The following DNAAF11 variants were observed in gnomAD, a reference collection of about 807,000 sequenced individuals.
DNAAF11 encodes the protein dynein axonemal assembly factor 11, also known as leucine rich repeat containing 6.
DNAAF11 carries 45 observed loss-of-function variants against 60.8 expected under a neutral mutation model. The observed-to-expected ratio is 0.74, with a 90% CI of 0.58 to 0.95. The LOEUF (loss-of-function observed/expected upper bound fraction) is 0.95. Ranked by LOEUF, DNAAF11 falls within the 40% of genes least tolerant of loss-of-function variation. The pLI, the probability that DNAAF11 is intolerant of heterozygous loss-of-function variation, is 0.00. For missense variants in DNAAF11, 546 were observed against 546.2 expected (o/e 1.00, Z 0.00); for synonymous variants, 191 against 183.5 (o/e 1.04, Z -0.33).
intron 10 of DNAAF11, among the ~76,000 whole-genome samples, chr8:132,587,806 C>T (rs914351404): frequency 3.3e-5 from 5 of 152,070 alleles, no homozygotes; most frequent in African/African-American, 1.2e-4. Flanking sequence ...TATTTTAACT[C>T]TCATAGAGCC....
At chr8:132,665,099 GA>G (rs113482412) in intron 1 of DNAAF11, among the ~76,000 whole-genome samples, 3,716 of 152,118 alleles carry the variant, frequency 0.024, 178 homozygotes, top group African/African-American at 0.085. Context: ...TGAAGATGTG[GA>G]AATTTCCCAG....
chr8:132,577,514 C>T (rs776166243), intron 11 of DNAAF11, among the ~76,000 whole-genome samples: 10 of 152,180 alleles, frequency 6.6e-5, no homozygotes, highest in African/African-American at 2.4e-4. Context: ...AATCCCATAA[C>T]CTAACGTAAA....
At chr8:132,585,516 C>A (rs1225576426) in intron 10 of DNAAF11, among the ~76,000 whole-genome samples, 6 of 152,070 alleles carry the variant, frequency 3.9e-5, no homozygotes, top group Non-Finnish European at 8.8e-5. Context: ...AAGTGGACGG[C>A]AAGACTTTTG....
intron 7 of DNAAF11, among the ~76,000 whole-genome samples, chr8:132,615,904 G>C (rs1819101310): frequency 6.6e-6 from 1 of 152,142 alleles, no homozygotes; most frequent in Non-Finnish European, 1.5e-5. Context: ...AGGAAAATGT[G>C]AAGTTAGCGA....
At chr8:132,577,970 C>A (rs1814932810) in intron 11 of DNAAF11, among the ~76,000 whole-genome samples, 1 of 152,056 alleles carries the variant, frequency 6.6e-6, no homozygotes, top group Non-Finnish European at 1.5e-5. Flanking sequence ...CCTGGCCAGG[C>A]ACTTTCTAGT....
chr8:132,634,764 TTAATTTATATAGTA>T, intron 4 of DNAAF11, among the ~76,000 whole-genome samples: 1 of 148,544 alleles, frequency 6.7e-6, no homozygotes, highest in East Asian at 1.9e-4. Flanking sequence ...CTTTGTTATA[TTAATTTATATAGTA>T]TAATTTATAT....
chr8:132,662,233 G>A (rs549776929), intron 1 of DNAAF11, among the ~76,000 whole-genome samples: 1 of 152,322 alleles, frequency 6.6e-6, no homozygotes, highest in Non-Finnish European at 1.5e-5. Flanking sequence ...GCTCACAGAA[G>A]GAGGTGTAAT....
intron 3 of DNAAF11, among the ~76,000 whole-genome samples, chr8:132,639,029 AT>A (rs1374594082): frequency 6.6e-6 from 1 of 152,238 alleles, no homozygotes; most frequent in East Asian, 1.9e-4. Flanking sequence ...TGCGAAGATA[AT>A]ATACGATGAC....
chr8:132,678,877 C>T (rs1461231761), upstream of DNAAF11, among the ~76,000 whole-genome samples: 1 of 151,908 alleles, frequency 6.6e-6, no homozygotes, highest in Admixed American at 6.6e-5. Flanking sequence ...AGGACATGTG[C>T]CTTGGATTTT....
intron 11 of DNAAF11, 144 bp from the exon 12 acceptor site, chr8:132,572,624 A>G: frequency 3.8e-6 from 2 of 531,478 alleles, no homozygotes; most frequent in South Asian, 3.2e-5. Flanking sequence ...GAATGTCCCT[A>G]GCATCAAGAA....
At chr8:132,655,201 G>A (rs2130763139) in intron 3 of DNAAF11, among the ~76,000 whole-genome samples, 1 of 152,002 alleles carries the variant, frequency 6.6e-6, no homozygotes, top group Middle Eastern at 3.4e-3. Context: ...TTCCAAAACT[G>A]AGTCAAGAAG....
chr8:132,634,362 T>A (rs1586644749), intron 4 of DNAAF11, among the ~76,000 whole-genome samples: 1 of 152,282 alleles, frequency 6.6e-6, no homozygotes, highest in East Asian at 1.9e-4. Flanking sequence ...ATGGAGATAT[T>A]GAGAGATGTC....
intron 10 of DNAAF11, among the ~76,000 whole-genome samples, chr8:132,590,934 TGA>T (rs1244108861): frequency 6.6e-6 from 1 of 152,244 alleles, no homozygotes; most frequent in Non-Finnish European, 1.5e-5. Flanking sequence ...GATCTACAGA[TGA>T]GAGTTAATAA....
At chr8:132,614,597 A>G (rs1202377170) in intron 8 of DNAAF11, among the ~76,000 whole-genome samples, 2 of 152,156 alleles carry the variant, frequency 1.3e-5, no homozygotes, top group East Asian at 3.9e-4. Context: ...GTGAGAGGGC[A>G]GCAGGGAAGA....
chr8:132,618,661 A>C (rs1409704713), intron 7 of DNAAF11, among the ~76,000 whole-genome samples: 1 of 148,358 alleles, frequency 6.7e-6, no homozygotes, highest in South Asian at 2.2e-4. Flanking sequence ...ACTTCTCAAA[A>C]GAAGACATTT....
At chr8:132,685,130 A>T in the DNAAF11 span, 1 of 152,240 alleles carries the variant, frequency 6.6e-6, no homozygotes, top group African/African-American at 2.4e-5. Flanking sequence ...ACAGAAAAAA[A>T]CTAAGAAACA....
At chr8:132,664,008 C>T (rs1164657283) in intron 1 of DNAAF11, among the ~76,000 whole-genome samples, 1 of 152,222 alleles carries the variant, frequency 6.6e-6, no homozygotes. Flanking sequence ...CCCCAATCCA[C>T]CATGCTCTGT....
At chr8:132,586,662 C>A (rs1301068533) in intron 10 of DNAAF11, among the ~76,000 whole-genome samples, 1 of 152,118 alleles carries the variant, frequency 6.6e-6, no homozygotes, top group Non-Finnish European at 1.5e-5. Flanking sequence ...TGGGGGTCTA[C>A]AATCCAACCT....
intron 3 of DNAAF11, among the ~76,000 whole-genome samples, chr8:132,642,125 T>C (rs976702892): frequency 2.0e-5 from 3 of 152,222 alleles, no homozygotes; most frequent in Admixed American, 6.5e-5. Flanking sequence ...ATGAAACTCA[T>C]AGAAAACTAA....
Sources: allele counts gnomAD v4.1 joint callset (sites outside exome capture counted in the v4.1 genomes callset), GRCh38; gene constraint gnomAD v4.1.1; transcripts MANE v1.5; gene names NCBI Gene and HGNC (gene_info 2026-07-23, HGNC 2026-07-21).